The following GAREM1 variants were observed in gnomAD, a reference collection of about 807,000 sequenced individuals.
GAREM1 encodes GRB2-associated and regulator of MAPK protein 1.
Under a neutral mutation model 71.3 loss-of-function variants are expected in GAREM1, and 26 were observed. The observed-to-expected ratio is 0.36, with a 90% confidence interval of 0.27 to 0.51. The LOEUF (loss-of-function observed/expected upper bound fraction) is 0.51. Ranked by LOEUF, GAREM1 falls within the 20% of genes least tolerant of loss-of-function variation. The pLI is 0.95. For missense variants in GAREM1, 1,026 were observed against 1,103.1 expected, an observed-to-expected ratio of 0.93 and a Z score of 0.99; for synonymous variants, 440 against 433.2, an observed-to-expected ratio of 1.02 and a Z score of -0.20.
chr18:32,424,716 A>G (rs1190435407), intron 1 of GAREM1, among the ~76,000 whole-genome samples: 2 of 152,246 alleles, frequency 1.3e-5, no homozygotes, highest in African/African-American at 4.8e-5. Flanking sequence ...ATAAAGCTTT[A>G]AGCATGGCTT....
At chr18:32,428,254 A>G (rs1366474857) in intron 1 of GAREM1, among the ~76,000 whole-genome samples, 2 of 152,240 alleles carry the variant, frequency 1.3e-5, no homozygotes, top group African/African-American at 4.8e-5. Context: ...AAACTTAAAC[A>G]TGGTATTGTA....
chr18:32,422,040 C>A (rs997391370), intron 1 of GAREM1, among the ~76,000 whole-genome samples: 1 of 151,902 alleles, frequency 6.6e-6, no homozygotes, highest in Non-Finnish European at 1.5e-5. Context: ...GCACAACATG[C>A]AGGTTTGTTA....
chr18:32,377,165 C>T (rs1005877662), intron 2 of GAREM1, among the ~76,000 whole-genome samples: 5 of 152,152 alleles, frequency 3.3e-5, no homozygotes, highest in African/African-American at 1.2e-4. Flanking sequence ...AGAGTATTTA[C>T]AGAGTATTGA....
intron 1 of GAREM1, among the ~76,000 whole-genome samples, chr18:32,394,507 G>T (rs1184013379): frequency 3.3e-5 from 5 of 152,178 alleles, no homozygotes; most frequent in African/African-American, 1.2e-4. Context: ...AGGGGACAGG[G>T]AGAGAAAAAT....
chr18:32,292,800 T>C (rs2047099836), intron 3 of GAREM1, among the ~76,000 whole-genome samples: 1 of 152,164 alleles, frequency 6.6e-6, no homozygotes, highest in Non-Finnish European at 1.5e-5. Flanking sequence ...CAGTTCTTTA[T>C]AGGAGTTTGA....
intron 3 of GAREM1, among the ~76,000 whole-genome samples, chr18:32,298,660 C>T (rs934249161): frequency 6.6e-6 from 1 of 152,162 alleles, no homozygotes; most frequent in Non-Finnish European, 1.5e-5. Flanking sequence ...GACGCGCACA[C>T]ATTCTCTCTG....
In GAREM1 at chr18:32,447,624, C is replaced by T. The variant is rs2048797369; in HGVS notation, c.121+22684G>A. On this transcript the variant is annotated intron_variant, in intron 1 of 5. Transcript: ENST00000269209. ...GCAATAATGATGAATAGTTACCTCT[C>T]AGGATTGGTATAGATCTGGTCCTTG... Among the ~76,000 whole-genome samples the T allele has an allele frequency of 2.0e-5, 3 of 152,138 alleles. No individual in the cohort carries two copies. The South Asian group carries it at 6.2e-4, about 31-fold the overall frequency.
chr18:32,336,874 C>G (rs1219738648), intron 2 of GAREM1, among the ~76,000 whole-genome samples: 1 of 152,212 alleles, frequency 6.6e-6, no homozygotes, highest in Admixed American at 6.5e-5. Context: ...TACCCTGAAA[C>G]TTACCTTCCT....
intron 3 of GAREM1, among the ~76,000 whole-genome samples, chr18:32,290,965 C>A (rs2047077397): frequency 6.6e-6 from 1 of 152,130 alleles, no homozygotes; most frequent in African/African-American, 2.4e-5. Flanking sequence ...ATCCCTCCAT[C>A]CAGCAATCCT....
chr18:32,414,393 T>C (rs2048448152), intron 1 of GAREM1, among the ~76,000 whole-genome samples: 1 of 151,998 alleles, frequency 6.6e-6, no homozygotes, highest in African/African-American at 2.4e-5. Context: ...ATATGAGTTA[T>C]TTTTTTCAGA....
At chr18:32,435,995 T>C (rs2048673475) in intron 1 of GAREM1, among the ~76,000 whole-genome samples, 1 of 152,214 alleles carries the variant, frequency 6.6e-6, no homozygotes, top group Non-Finnish European at 1.5e-5. Flanking sequence ...TCAAAGTCTC[T>C]TTCTCTATAT....
intron 1 of GAREM1, among the ~76,000 whole-genome samples, chr18:32,423,993 G>C (rs917148931): frequency 6.6e-6 from 1 of 152,044 alleles, no homozygotes; most frequent in Non-Finnish European, 1.5e-5. Flanking sequence ...AAAATTAGCT[G>C]GATGTGGTGG....
chr18:32,325,193 G>A (rs746124982), intron 2 of GAREM1, among the ~76,000 whole-genome samples: 2 of 152,150 alleles, frequency 1.3e-5, no homozygotes, highest in East Asian at 3.8e-4. Flanking sequence ...TCCTGACCTC[G>A]TGATCCACCT....
At chr18:32,279,852 A>C (rs1171781531) in intron 4 of GAREM1, among the ~76,000 whole-genome samples, 3 of 152,172 alleles carry the variant, frequency 2.0e-5, no homozygotes, top group Non-Finnish European at 2.9e-5. Context: ...AGAAGAAGAA[A>C]AAAACAAATC....
At chr18:32,440,587 A>G (rs1335326706) in intron 1 of GAREM1, among the ~76,000 whole-genome samples, 1 of 152,220 alleles carries the variant, frequency 6.6e-6, no homozygotes, top group Non-Finnish European at 1.5e-5. Context: ...TGATTCTACA[A>G]TGAATCTCCA....
intron 2 of GAREM1, among the ~76,000 whole-genome samples, chr18:32,379,022 A>T (rs2048067626): frequency 2.0e-5 from 3 of 152,202 alleles, no homozygotes; most frequent in Admixed American, 2.0e-4. Flanking sequence ...TTGAGTGCTT[A>T]GCTCTCCAAC....
chr18:32,322,402 A>G (rs2047437581), intron 2 of GAREM1, among the ~76,000 whole-genome samples: 1 of 152,188 alleles, frequency 6.6e-6, no homozygotes, highest in Non-Finnish European at 1.5e-5. Flanking sequence ...AGAATGCACC[A>G]TCTGGAATAC....
At chr18:32,388,738 G>C (rs143679545) in intron 2 of GAREM1, among the ~76,000 whole-genome samples, 6 of 152,126 alleles carry the variant, frequency 3.9e-5, no homozygotes. Context: ...AGACAAAGAC[G>C]GCTGAGGAAC....
At chr18:32,452,716 T>G (rs1013952321) in intron 1 of GAREM1, among the ~76,000 whole-genome samples, 1 of 152,166 alleles carries the variant, frequency 6.6e-6, no homozygotes, top group African/African-American at 2.4e-5. Context: ...AGCAGGCACA[T>G]GCTCCACAGC....
Sources: gnomAD v4.1 joint callset for allele counts (sites outside exome capture counted in the v4.1 genomes callset) on GRCh38, gnomAD v4.1.1 for gene constraint, MANE v1.5 for transcripts, NCBI Gene and HGNC (gene_info 2026-07-23, HGNC 2026-07-21) for gene names.